Variants in TSPAN9 observed in about 807,000 individuals in gnomAD.
TSPAN9 encodes tetraspanin-9.
TSPAN9 carries 16 observed loss-of-function variants against 31.0 expected under a neutral mutation model. The observed-to-expected ratio is 0.52, with a 90% CI of 0.35 to 0.78. The LOEUF (loss-of-function observed/expected upper bound fraction) is 0.78. TSPAN9 is among the 30% of genes least tolerant of loss of function. The pLI is 0.01. For synonymous variants in TSPAN9, 145 were observed against 121.6 expected, an observed-to-expected ratio of 1.19 and a Z score of -1.27; for missense variants, 272 against 312.5, an observed-to-expected ratio of 0.87 and a Z score of 0.98.
At chr12:3,103,704 C>T (rs117564433) in intron 2 of TSPAN9, among the ~76,000 whole-genome samples, 1 of 152,298 alleles carries the variant, frequency 6.6e-6, no homozygotes, top group East Asian at 1.9e-4. Context: ...AAAGGACTAG[C>T]ACCTGGAGAG....
intron 2 of TSPAN9, among the ~76,000 whole-genome samples, chr12:3,153,897 T>A (rs1011915789): frequency 2.6e-5 from 4 of 152,026 alleles, no homozygotes; most frequent in Non-Finnish European, 5.9e-5. Context: ...TGTCTGTTTC[T>A]CTGTCTAGCT....
chr12:3,094,847 C>CTTTTTTTTTTTT (rs61154605), intron 2 of TSPAN9, among the ~76,000 whole-genome samples: 1 of 101,950 alleles, frequency 9.8e-6, no homozygotes. Flanking sequence ...AATCAATAAT[C>CTTTTTTTTTTTT]TTTTTTTTTT....
chr12:3,178,595 G>A (rs990682512), intron 2 of TSPAN9, among the ~76,000 whole-genome samples: 4 of 152,232 alleles, frequency 2.6e-5, no homozygotes, highest in African/African-American at 9.6e-5. Flanking sequence ...CCTGCCAGAT[G>A]AAGGGGTTTC....
chr12:3,271,940 C>T (rs1168604688), intron 3 of TSPAN9, among the ~76,000 whole-genome samples: 1 of 152,218 alleles, frequency 6.6e-6, no homozygotes, highest in African/African-American at 2.4e-5. Context: ...CATTACTAGC[C>T]AGCATGTCAG....
chr12:3,235,131 A>G (rs12308240), intron 3 of TSPAN9, among the ~76,000 whole-genome samples: 4 of 73,982 alleles, frequency 5.4e-5, no homozygotes, highest in East Asian at 1.5e-3. Flanking sequence ...TGCAGTGAGC[A>G]GAGCTTGCGC....
At chr12:3,210,660 G>A (rs7965587) in intron 3 of TSPAN9, among the ~76,000 whole-genome samples, 81,345 of 151,514 alleles carry the variant, frequency 0.54, 22,584 homozygotes, top group Middle Eastern at 0.69. Flanking sequence ...TTATTGTAAT[G>A]TAGTCAAATT....
chr12:3,100,531 G>GTGTTGCC lies in TSPAN9; in HGVS notation c.-18+16820_-18+16826dup, dbSNP rs1167668781. ...TTCGTCTGTCAGGGATTGCAGTCCTGTGTTGCCTGTTGCCCGATGTCTGAA... is the reference window on the plus strand; with the variant it reads ...TTCGTCTGTCAGGGATTGCAGTCCTGTGTTGCCTGTTGCCTGTTGCCCGATGTCTGAA... On this transcript the variant is annotated intron_variant, in intron 2 of 8. Coordinates refer to ENST00000011898, the MANE Select transcript of TSPAN9 (RefSeq NM_006675.5). Among the ~76,000 whole-genome samples, 9 of 152,314 alleles carry GTGTTGCC rather than the reference G, an allele frequency of 5.9e-5. No homozygotes were observed. The East Asian group carries it at 1.7e-3, about 29-fold the overall frequency.
chr12:3,252,763 AGAGGTGCCTCTCAGGCTAAGCT>A (rs1402229027), intron 3 of TSPAN9, among the ~76,000 whole-genome samples: 1 of 152,196 alleles, frequency 6.6e-6, no homozygotes, highest in Admixed American at 6.5e-5. Context: ...GGGAACAGAA[AGAGGTGCCTCTCAGGCTAAGCT>A]GAGGACCCTT....
At chr12:3,157,793 C>T (rs574584897) in intron 2 of TSPAN9, among the ~76,000 whole-genome samples, 13 of 152,226 alleles carry the variant, frequency 8.5e-5, no homozygotes, top group South Asian at 4.1e-4. Context: ...GCTGGGCAGA[C>T]GCTGGCAGGC....
At chr12:3,081,844 G>GTATATATATATATATATATATATA (rs57307487) in intron 1 of TSPAN9, among the ~76,000 whole-genome samples, 19 of 116,760 alleles carry the variant, frequency 1.6e-4, no homozygotes, top group Non-Finnish European at 2.5e-4. Context: ...GTCTGTGTGT[G>GTATATATATATATATATATATATA]TATATATATG....
rs1479676812 is a variant in TSPAN9, at chr12:3,285,698, A to G, written c.*2582A>G. 1 of 152,192 alleles carries G rather than the reference A, an allele frequency of 6.6e-6. No homozygotes were observed. Among genetic ancestry groups the G allele is most frequent in the Non-Finnish European group, 1.5e-5 (1 of 68,058 alleles). 9.4% of individuals were successfully genotyped at this position (152,192 alleles called of 1,614,324 possible). ...ACTGGGGTAGAATTCCCCTGAGAGA[A>G]TTCCCTCACTCACGGCTCCCTTTGC... On this transcript the variant is annotated 3_prime_UTR_variant, in exon 9 of 9. Transcript: ENST00000011898.
At chr12:3,182,001 C>T (rs1470518037) in intron 2 of TSPAN9, among the ~76,000 whole-genome samples, 1 of 152,002 alleles carries the variant, frequency 6.6e-6, no homozygotes, top group Non-Finnish European at 1.5e-5. Flanking sequence ...GTGTTGGAGG[C>T]CTGTGTGCCT....
chr12:3,177,370 C>T (rs1373607329), intron 2 of TSPAN9, among the ~76,000 whole-genome samples: 1 of 151,514 alleles, frequency 6.6e-6, no homozygotes, highest in Non-Finnish European at 1.5e-5. Context: ...ATCTCCTGAC[C>T]TTGTGATCTG....
chr12:3,116,849 C>T (rs142835260), intron 2 of TSPAN9, among the ~76,000 whole-genome samples: 4 of 152,270 alleles, frequency 2.6e-5, no homozygotes, highest in African/African-American at 9.6e-5. Context: ...TCTCAGATAA[C>T]TTCATTTCTA....
intron 3 of TSPAN9, among the ~76,000 whole-genome samples, chr12:3,253,756 A>G (rs1862296855): frequency 6.6e-6 from 1 of 152,148 alleles, no homozygotes; most frequent in South Asian, 2.1e-4. Flanking sequence ...GGTGGTGGTG[A>G]CAGGGTGTTT....
In TSPAN9 at chr12:3,168,971, CA is replaced by C. The variant is rs2098350224; in HGVS notation, c.-17-32205del. Among the ~76,000 whole-genome samples the C allele has an allele frequency of 6.6e-6, 1 of 152,208 alleles. No homozygotes were observed. The highest frequency in any genetic ancestry group is 2.1e-4 in the South Asian group (1 of 4,834). ...ATGTGGCATTAAACGGAGCTGGGAACATGAAGTGTGTGTACGCTTCTCTTTT... is the reference window on the plus strand; with the variant it reads ...ATGTGGCATTAAACGGAGCTGGGAACTGAAGTGTGTGTACGCTTCTCTTTT... On this transcript the variant is annotated intron_variant, in intron 2 of 8. Coordinates refer to ENST00000011898, the MANE Select transcript of TSPAN9 (RefSeq NM_006675.5). This position sits in a 1 kb window ranked among gnomAD's most constrained non-coding sequence, Gnocchi z 4.0.
At chr12:3,094,538 GT>G (rs3062035) in intron 2 of TSPAN9, among the ~76,000 whole-genome samples, 86 of 142,600 alleles carry the variant, frequency 6.0e-4, no homozygotes, top group East Asian at 4.7e-3. Flanking sequence ...TGTTGTTGTT[GT>G]TTTTTTTTTT....
intron 2 of TSPAN9, among the ~76,000 whole-genome samples, chr12:3,131,263 C>T (rs546695125): frequency 7.4e-5 from 3 of 40,734 alleles, no homozygotes; most frequent in South Asian, 9.3e-4. Flanking sequence ...CCAGGCACCG[C>T]GTGGTTGAGT....
intron 2 of TSPAN9, among the ~76,000 whole-genome samples, chr12:3,093,059 C>A (rs1400069022): frequency 2.8e-4 from 42 of 152,246 alleles, no homozygotes; most frequent in African/African-American, 9.2e-4. Context: ...ATTCAGAGTC[C>A]TGGCGTTGTC....
Sources: allele counts gnomAD v4.1 joint callset (sites outside exome capture counted in the v4.1 genomes callset), GRCh38; gene constraint gnomAD v4.1.1; non-coding constraint Gnocchi (gnomAD v3.1); transcripts MANE v1.5; gene names NCBI Gene and HGNC (gene_info 2026-07-23, HGNC 2026-07-21).